KIZ: variants seen among roughly 807,000 people sequenced by gnomAD.
The protein encoded by KIZ is kizuna centrosomal protein, also known as centrosomal protein kizuna.
KIZ carries 68 observed loss-of-function variants against 79.6 expected under a neutral mutation model. The ratio of observed to expected loss-of-function variants is 0.85; its 90% confidence interval spans 0.70 to 1.05. The LOEUF is 1.05. Among genes scored for constraint, KIZ ranks in the 50% least tolerant of loss-of-function variants. The pLI, the probability that KIZ is intolerant of heterozygous loss-of-function variation, is 0.00. For missense variants in KIZ, 797 were observed against 800.4 expected, an observed-to-expected ratio of 1.00 and a Z score of 0.05; for synonymous variants, 280 against 281.8, an observed-to-expected ratio of 0.99 and a Z score of 0.06.
At chr20:21,203,216 CT>C (rs1331008847) in intron 6 of KIZ, among the ~76,000 whole-genome samples, 2 of 152,120 alleles carry the variant, frequency 1.3e-5, no homozygotes, top group Non-Finnish European at 2.9e-5. Context: ...TCCCTCCCTC[CT>C]TTTTTTATGC....
At chr20:21,163,784 T>A (rs2033805770) in intron 6 of KIZ, among the ~76,000 whole-genome samples, 1 of 152,214 alleles carries the variant, frequency 6.6e-6, no homozygotes, top group Non-Finnish European at 1.5e-5. Flanking sequence ...GATAAAAATT[T>A]GTATATGTTT....
At chr20:21,245,272 C>A (rs1038858831) in intron 12 of KIZ, 2 of 152,114 alleles carry the variant, frequency 1.3e-5, no homozygotes, top group African/African-American at 4.8e-5. Context: ...TAGCAAGCAC[C>A]CCACTGTGAA....
chr20:21,241,065 T>C (rs2037199817), intron 11 of KIZ, among the ~76,000 whole-genome samples: 1 of 152,252 alleles, frequency 6.6e-6, no homozygotes, highest in Admixed American at 6.5e-5. Context: ...GACCACATGG[T>C]GACCATATCT....
intron 6 of KIZ, among the ~76,000 whole-genome samples, chr20:21,168,093 C>G (rs1383251214): frequency 6.6e-6 from 1 of 152,094 alleles, no homozygotes; most frequent in African/African-American, 2.4e-5. Context: ...ACAACAGGCC[C>G]CGGTGTGTGA....
intron 3 of KIZ, among the ~76,000 whole-genome samples, chr20:21,141,368 G>A (rs943744802): frequency 6.6e-6 from 1 of 152,164 alleles, no homozygotes; most frequent in African/African-American, 2.4e-5. Context: ...AATCCTACAG[G>A]GAACTTCTGG....
At chr20:21,201,741 C>T (rs1342132714) in intron 6 of KIZ, among the ~76,000 whole-genome samples, 3 of 152,132 alleles carry the variant, frequency 2.0e-5, no homozygotes, top group African/African-American at 7.2e-5. Context: ...TATGTGTCAT[C>T]AATGTTATAA....
chr20:21,167,925 T>C lies in KIZ; in HGVS notation c.1352+4766T>C, dbSNP rs116707367. On this transcript the variant is annotated intron_variant, in intron 6 of 12. Coordinates refer to ENST00000619189, the MANE Select transcript of KIZ (RefSeq NM_018474.6). ...AAGTACCATTAAAAAATAGTTTCTT[T>C]TTTTTATTATTATACTTTAAGTTTT... 8.4e-3 allele frequency among the ~76,000 whole-genome samples: 1,287 copies of C among 152,324 alleles called. 22 individuals carry two copies. Among genetic ancestry groups the C allele is most frequent in the African/African-American group, 0.029 (1,224 of 41,574 alleles).
intron 6 of KIZ, among the ~76,000 whole-genome samples, chr20:21,188,565 A>G (rs911393062): frequency 6.7e-6 from 1 of 149,070 alleles, no homozygotes; most frequent in Non-Finnish European, 1.5e-5. Flanking sequence ...GAAAGGGATC[A>G]CCCCTTCTGA....
chr20:21,206,213 G>A (rs763294639), intron 7 of KIZ, among the ~76,000 whole-genome samples: 1 of 152,184 alleles, frequency 6.6e-6, no homozygotes, highest in Non-Finnish European at 1.5e-5. Flanking sequence ...TTCAGCAAAT[G>A]CCTATCGGTC....
At chr20:21,142,596 G>A (rs1403283342) in intron 3 of KIZ, among the ~76,000 whole-genome samples, 2 of 151,828 alleles carry the variant, frequency 1.3e-5, no homozygotes, top group Non-Finnish European at 2.9e-5. Context: ...GATTCTCCAG[G>A]CCTGGACAAC....
intron 3 of KIZ, among the ~76,000 whole-genome samples, chr20:21,143,818 C>T (rs2032702661): frequency 6.6e-6 from 1 of 152,144 alleles, no homozygotes; most frequent in Non-Finnish European, 1.5e-5. Flanking sequence ...AAAACTCCTG[C>T]TCTCCAGTGT....
rs1486270427 is a variant in KIZ at position 21,132,119 on chromosome 20, GA to G, written c.116del (p.Lys39ArgfsTer16). 10 of 1,448,762 alleles carry G rather than the reference GA, an allele frequency of 6.9e-6. No individual in the cohort carries two copies. The African/African-American group carries it at 1.1e-4, about 16-fold the overall frequency. 89.7% of individuals were successfully genotyped at this position (1,448,762 alleles called of 1,614,324 possible). A position where few individuals can be genotyped will look rare whatever the true frequency, so the allele number is the denominator to read the frequency against. ...RDSEKKRLDL[E>X]KKLYEYNQSD... ...TAGTGAAAAGAAGAGATTGGACCTG[GA>G]AAAGAAACTTTATGAATATAATCAG... On this transcript the variant is annotated frameshift_variant, in exon 2 of 13. Coordinates refer to ENST00000619189, the MANE Select transcript of KIZ (RefSeq NM_018474.6). LOFTEE classifies it high-confidence loss of function.
intron 6 of KIZ, chr20:21,198,127 ATC>A (rs2035428498): frequency 1.3e-5 from 2 of 151,928 alleles, no homozygotes; most frequent in African/African-American, 4.8e-5. Context: ...CAGTGGCGTG[ATC>A]TCAGCTCACT....
At chr20:21,220,440 C>T (rs2036465767) in intron 9 of KIZ, among the ~76,000 whole-genome samples, 1 of 152,006 alleles carries the variant, frequency 6.6e-6, no homozygotes, top group Non-Finnish European at 1.5e-5. Flanking sequence ...TGAACTCCTT[C>T]CATTTCACTG....
intron 4 of KIZ, among the ~76,000 whole-genome samples, chr20:21,149,553 G>A (rs1272979845): frequency 6.6e-6 from 1 of 152,260 alleles, no homozygotes; most frequent in African/African-American, 2.4e-5. Flanking sequence ...GCAGGGATGA[G>A]CTCTGCAGTG....
chr20:21,147,987 G>GTGTGTGTGTGTA (rs2032932381), intron 4 of KIZ, among the ~76,000 whole-genome samples: 1 of 151,740 alleles, frequency 6.6e-6, no homozygotes, highest in Admixed American at 6.6e-5. Flanking sequence ...GTGTGTGTGT[G>GTGTGTGTGTGTA]TGTGTGTGGC....
chr20:21,199,810 G>A (rs1428512338), intron 6 of KIZ, among the ~76,000 whole-genome samples: 1 of 152,124 alleles, frequency 6.6e-6, no homozygotes. Flanking sequence ...TAACTCTGGT[G>A]TCATAGAATT....
At chr20:21,132,039 T>C in intron 1 of KIZ, 58 bp from the exon 2 acceptor site, 1 of 772,338 alleles carries the variant, frequency 1.3e-6, no homozygotes, top group Non-Finnish European at 2.2e-6. Context: ...GAGCATGGTC[T>C]AAATCCAACT....
chr20:21,176,834 G>A (rs2034457943), intron 6 of KIZ, among the ~76,000 whole-genome samples: 1 of 152,226 alleles, frequency 6.6e-6, no homozygotes, highest in African/African-American at 2.4e-5. Flanking sequence ...AATGCCTTTG[G>A]TGGGCTTATC....
Sources: gnomAD v4.1 joint callset for allele counts (sites outside exome capture counted in the v4.1 genomes callset) on GRCh38, gnomAD v4.1.1 for gene constraint, MANE v1.5 for transcripts, NCBI Gene and HGNC (gene_info 2026-07-23, HGNC 2026-07-21) for gene names.